Variants in STAT3 observed in about 807,000 individuals in gnomAD.
The protein encoded by STAT3 is signal transducer and activator of transcription 3.
A neutral mutation model predicts 114.3 loss-of-function variants in STAT3; 7 were observed. That is an observed-to-expected ratio of 0.06 (90% CI 0.03 to 0.11). The LOEUF (loss-of-function observed/expected upper bound fraction) is 0.11. Ranked by LOEUF, STAT3 falls within the 10% of genes least tolerant of loss-of-function variation. STAT3 has a pLI of 1.00. For synonymous variants in STAT3, 331 were observed against 354.5 expected (o/e 0.93, Z 0.74); for missense variants, 364 against 960.9 (o/e 0.38, Z 8.21).
chr17:42,313,379 CAAAAAA>C lies in STAT3; in HGVS notation c.*2360_*2365del, dbSNP rs397857989. On this transcript the variant is annotated 3_prime_UTR_variant, in exon 24 of 24. Coordinates refer to ENST00000264657, the MANE Select transcript of STAT3 (RefSeq NM_139276.3). Reference sequence around the variant, plus strand: ...AGTTAAAGTAGATACAGCAATATACCAAAAAAAAAAAAAAAAAAAAAAGACAAAAAA... The same window carrying C: ...AGTTAAAGTAGATACAGCAATATACCAAAAAAAAAAAAAAAAGACAAAAAA... The C allele has an allele frequency of 5.7e-3, 493 of 86,274 alleles. 2 individuals carry two copies. Among genetic ancestry groups the C allele is most frequent in the African/African-American group, 0.024 (396 of 16,190 alleles). The allele number at this position is 86,274 out of a possible 1,614,324, so 5.3% of individuals were successfully genotyped here.
At chr17:42,344,484 T>G (rs1293069223) in intron 4 of STAT3, among the ~76,000 whole-genome samples, 2 of 149,276 alleles carry the variant, frequency 1.3e-5, no homozygotes, top group African/African-American at 5.0e-5. Flanking sequence ...TGGGAGGCTG[T>G]GGCCGGTGGA....
rs910247732 is a variant in STAT3 at position 42,330,671 on chromosome 17, C to T, written c.1109+801G>A. 3.4e-5 allele frequency among the ~76,000 whole-genome samples: 5 copies of T among 147,208 alleles called. No individual in the cohort carries two copies. The South Asian group carries it at 6.5e-4, about 19-fold the overall frequency. On this transcript the variant is annotated intron_variant, in intron 11 of 23. Coordinates refer to ENST00000264657, the MANE Select transcript of STAT3 (RefSeq NM_139276.3). ...GTCTCGATCTCCTGACCTCGTGATC[C>T]GCCCGCCTCGGCCTCCCAAAGTGCT...
At chr17:42,325,130 C>T (rs779276361) in intron 15 of STAT3, 69 bp from the exon 16 acceptor site, 60 of 1,440,756 alleles carry the variant, frequency 4.2e-5, no homozygotes, top group African/African-American at 5.6e-5. Flanking sequence ...TCTCTTCACC[C>T]GCATCTCACG....
At chr17:42,369,540 T>C (rs897143313) in intron 1 of STAT3, among the ~76,000 whole-genome samples, 1 of 152,188 alleles carries the variant, frequency 6.6e-6, no homozygotes, top group Admixed American at 6.6e-5. Flanking sequence ...AAACAGCAAA[T>C]CTATTACTGC....
At chr17:42,334,927 A>C (rs888869217) in intron 8 of STAT3, among the ~76,000 whole-genome samples, 2 of 152,126 alleles carry the variant, frequency 1.3e-5, no homozygotes, top group Non-Finnish European at 2.9e-5. Flanking sequence ...GGAATTTAGC[A>C]CTTACTTTAC....
At chr17:42,320,180 G>A (rs1476042941) in intron 21 of STAT3, among the ~76,000 whole-genome samples, 2 of 152,180 alleles carry the variant, frequency 1.3e-5, no homozygotes, top group East Asian at 1.9e-4. Flanking sequence ...GAGATAGGTG[G>A]CAGACAGGAA....
intron 1 of STAT3, among the ~76,000 whole-genome samples, chr17:42,355,330 A>G (rs2083178223): frequency 1.3e-5 from 2 of 152,178 alleles, no homozygotes; most frequent in Non-Finnish European, 2.9e-5. Context: ...CTGTGACTTA[A>G]TAACTACTTC....
rs1365233134 is a variant in STAT3 at position 42,324,521 on chromosome 17, G to A, written c.1600+190C>T. Among the ~76,000 whole-genome samples the A allele has an allele frequency of 6.6e-6, 1 of 151,968 alleles. No homozygotes were observed. The highest frequency in any genetic ancestry group is 1.5e-5 in the Non-Finnish European group (1 of 68,000). On this transcript the variant is annotated intron_variant, in intron 17 of 23. Transcript: ENST00000264657. The surrounding 1 kb of genome is among the most constrained non-coding windows in gnomAD (Gnocchi z 4.5). Reference sequence around the variant, plus strand: ...CTCCCACCTCAAAAATGATCACCTCGACTGAAAACTGCAAACTGTCTCTGC... The same window carrying A: ...CTCCCACCTCAAAAATGATCACCTCAACTGAAAACTGCAAACTGTCTCTGC...
At chr17:42,386,488 G>A (rs2085112350) in intron 1 of STAT3, among the ~76,000 whole-genome samples, 1 of 152,026 alleles carries the variant, frequency 6.6e-6, no homozygotes, top group Non-Finnish European at 1.5e-5. Flanking sequence ...TGTGCTGTGG[G>A]TATTTCTTTT....
At chr17:42,368,171 T>C (rs1260834761) in intron 1 of STAT3, among the ~76,000 whole-genome samples, 1 of 151,938 alleles carries the variant, frequency 6.6e-6, no homozygotes, top group Non-Finnish European at 1.5e-5. Context: ...ACCCCATCTC[T>C]AAAAACATAA....
In STAT3 at chr17:42,358,933, C is replaced by CTTTTTTTTTTTTT. The variant is rs35099574; in HGVS notation, c.-23-10407_-23-10395dup. On this transcript the variant is annotated intron_variant, in intron 1 of 23. Coordinates refer to ENST00000264657, the MANE Select transcript of STAT3 (RefSeq NM_139276.3). ...GTCTCCCTTTCATGGACATTTCTTA[C>CTTTTTTTTTTTTT]TTTTTTTTTTTTTTTTTTTGAGATG... Among the ~76,000 whole-genome samples the CTTTTTTTTTTTTT allele has an allele frequency of 1.7e-3, 173 of 100,444 alleles. 18 individuals are homozygous for CTTTTTTTTTTTTT. The highest frequency in any genetic ancestry group is 2.1e-3 in the Non-Finnish European group (110 of 53,342). The allele number at this position is 100,444 out of a possible 152,430, so 65.9% of individuals were successfully genotyped here. A position where few individuals can be genotyped will look rare whatever the true frequency, so the allele number is the denominator to read the frequency against.
intron 1 of STAT3, among the ~76,000 whole-genome samples, chr17:42,370,281 T>TGTC (rs1319724750): frequency 6.6e-6 from 1 of 150,550 alleles, no homozygotes; most frequent in Non-Finnish European, 1.5e-5. Flanking sequence ...AGTCTTGCTC[T>TGTC]GTCGTCCAGG....
At chr17:42,326,784 C>T (rs2081746257) in intron 14 of STAT3, among the ~76,000 whole-genome samples, 1 of 152,146 alleles carries the variant, frequency 6.6e-6, no homozygotes, top group African/African-American at 2.4e-5. Context: ...CACGCCACTG[C>T]ACTCCAGCCT....
chr17:42,344,198 G>A (rs567927835), intron 4 of STAT3, among the ~76,000 whole-genome samples: 13 of 152,180 alleles, frequency 8.5e-5, no homozygotes, highest in African/African-American at 1.4e-4. Flanking sequence ...CGAGGCGGGC[G>A]GATCACGAGG....
At chr17:42,370,710 C>G (rs1337806708) in intron 1 of STAT3, among the ~76,000 whole-genome samples, 4 of 151,942 alleles carry the variant, frequency 2.6e-5, no homozygotes, top group African/African-American at 4.8e-5. Flanking sequence ...TCGCTGCAAC[C>G]TCCGCCTCCC....
intron 1 of STAT3, among the ~76,000 whole-genome samples, chr17:42,380,181 C>A (rs1366517500): frequency 1.3e-5 from 2 of 151,334 alleles, no homozygotes; most frequent in Admixed American, 1.3e-4. Context: ...GGACTACAGG[C>A]ACCCGCCACC....
chr17:42,346,234 T>C (rs1373279392), intron 3 of STAT3, among the ~76,000 whole-genome samples: 1 of 152,160 alleles, frequency 6.6e-6, no homozygotes, highest in African/African-American at 2.4e-5. Context: ...GCTACTGACT[T>C]AGTCAAGAAG....
chr17:42,381,464 G>A (rs112419819), intron 1 of STAT3, among the ~76,000 whole-genome samples: 1 of 152,064 alleles, frequency 6.6e-6, no homozygotes, highest in African/African-American at 2.4e-5. Flanking sequence ...GCTGGCTCAC[G>A]CCTGTAATCC....
At chr17:42,377,168 A>G (rs571107204) in intron 1 of STAT3, among the ~76,000 whole-genome samples, 1 of 152,338 alleles carries the variant, frequency 6.6e-6, no homozygotes, top group African/African-American at 2.4e-5. Flanking sequence ...GCCCAGGCAA[A>G]TCATCTATGC....
Sources: allele counts gnomAD v4.1 joint callset (sites outside exome capture counted in the v4.1 genomes callset), GRCh38; gene constraint gnomAD v4.1.1; non-coding constraint Gnocchi (gnomAD v3.1); transcripts MANE v1.5; gene names NCBI Gene and HGNC (gene_info 2026-07-23, HGNC 2026-07-21).